The following GLOD5 variants were observed in gnomAD, a reference collection of about 807,000 sequenced individuals.
The protein encoded by GLOD5 is glyoxalase domain containing 5, also known as glyoxalase domain-containing protein 5.
GLOD5 carries 7 observed loss-of-function variants against 9.9 expected under a neutral mutation model. The observed-to-expected ratio is 0.71, with a 90% CI of 0.40 to 1.33. GLOD5 has a LOEUF of 1.33. Ranked by LOEUF, GLOD5 falls within the 40% of genes most tolerant of loss-of-function variation. The probability of loss-of-function intolerance (pLI) is 0.01; values close to 1 mark genes in which losing one functional copy is unlikely to be tolerated. For synonymous variants in GLOD5, 49 were observed against 47.3 expected (o/e 1.04, Z -0.14); for missense variants, 146 against 128.4 (o/e 1.14, Z -0.66).
intron 2 of GLOD5, 49 bp downstream of exon 2, chrX:48,766,021 A>G (rs782554299): frequency 2.7e-6 from 3 of 1,110,648 alleles, no homozygotes; most frequent in African/African-American, 3.6e-5. Context: ...AAATTTGTTG[A>G]TAACACTTTA....
At chrX:48,763,688 G>A (rs1057045364) in intron 1 of GLOD5, among the ~76,000 whole-genome samples, 4 of 111,729 alleles carry the variant, frequency 3.6e-5, no homozygotes, top group Non-Finnish European at 7.5e-5. Flanking sequence ...GCAAGACCCT[G>A]TCTCAAAAAG....
rs1443936119 is a variant in GLOD5 at position 48,773,334 on chromosome X, G to A, written c.382G>A (p.Gly128Arg). The A allele has an allele frequency of 1.7e-6, 2 of 1,210,337 alleles. No individual in the cohort carries two copies. The highest frequency in any genetic ancestry group is 2.2e-6 in the Non-Finnish European group (2 of 894,334). ...LKACDVPIEE[G>R]PVPRTGAKGP... ...GGCTTGTGATGTCCCTATTGAGGAGGGGCCAGTCCCCAGAACAGGGGCAAA... is the reference window on the plus strand; with the variant it reads ...GGCTTGTGATGTCCCTATTGAGGAGAGGCCAGTCCCCAGAACAGGGGCAAA... The change falls in exon 4 of 4, where the codon GGG becomes AGG. Residue 128 changes from glycine to arginine, a missense_variant. Transcript: ENST00000303227.
At chrX:48,772,020 T>C (rs1557017464) in intron 3 of GLOD5, among the ~76,000 whole-genome samples, 1 of 111,018 alleles carries the variant, frequency 9.0e-6, no homozygotes, top group Non-Finnish European at 1.9e-5. Context: ...CAGGATCATT[T>C]GGGCCAGGAG....
chrX:48,770,800 G>T (rs894643329), intron 2 of GLOD5, 127 bp from the exon 3 acceptor site: 1 of 478,476 alleles, frequency 2.1e-6, no homozygotes, highest in Non-Finnish European at 3.3e-6. Context: ...AAGGGCTGTT[G>T]TGTAGTAGCC....
At chrX:48,768,378 A>G (rs1557016928) in intron 2 of GLOD5, among the ~76,000 whole-genome samples, 1 of 112,263 alleles carries the variant, frequency 8.9e-6, no homozygotes, top group African/African-American at 3.2e-5. Context: ...CAAACGCACT[A>G]TAATGGTTGC....
intron 2 of GLOD5, 147 bp downstream of exon 2, chrX:48,766,119 T>C (rs185314855): frequency 6.7e-5 from 35 of 523,341 alleles, no homozygotes; most frequent in Admixed American, 2.4e-4. Flanking sequence ...AACTGAATAT[T>C]TGGACTTCCA....
At position 48,773,544 on chromosome X, in the gene GLOD5, C is replaced by A; in HGVS notation, c.*109C>A. On this transcript the variant is annotated 3_prime_UTR_variant, in exon 4 of 4. Coordinates refer to ENST00000303227, the MANE Select transcript of GLOD5 (RefSeq NM_001080489.3). Reference sequence around the variant, plus strand: ...TCTCCAAAGACTGAGGACTTAGGCACTTCACACATCCTGCTGAGGGGGGAC... The same window carrying A: ...TCTCCAAAGACTGAGGACTTAGGCAATTCACACATCCTGCTGAGGGGGGAC... 2.3e-6 allele frequency: 2 copies of A among 857,602 alleles called. No individual in the cohort carries two copies. The highest frequency in any genetic ancestry group is 4.8e-5 in the South Asian group (2 of 41,867). 70.7% of individuals were successfully genotyped at this position (857,602 alleles called of 1,213,427 possible).
rs987110477 is a variant in GLOD5 at position 48,763,824 on chromosome X, G to T, written c.63+1971G>T. Among the ~76,000 whole-genome samples, 22 of 112,345 alleles carry T rather than the reference G, an allele frequency of 2.0e-4. No homozygotes were observed. In the East Asian group the frequency reaches 5.8e-3, roughly 30 times the overall value. ...CCATGTGGATCTTTTGTATCCACCG[G>T]GAGAGCAAAACTCAGCAACTTTGCT... On this transcript the variant is annotated intron_variant, in intron 1 of 3. Transcript: ENST00000303227.
At chrX:48,773,283 G>A (rs782530291) in intron 3 of GLOD5, 27 bp from the exon 4 acceptor site, 4 of 1,205,004 alleles carry the variant, frequency 3.3e-6, no homozygotes, top group African/African-American at 1.8e-5. Context: ...TTTGACGAAC[G>A]ACTTTTGTCT....
intron 2 of GLOD5, among the ~76,000 whole-genome samples, chrX:48,768,374 C>T (rs1467273758): frequency 8.9e-6 from 1 of 111,808 alleles, no homozygotes; most frequent in African/African-American, 3.2e-5. Flanking sequence ...ACATCAAACG[C>T]ACTATAATGG....
At position 48,765,577 on chromosome X, in the gene GLOD5, C is replaced by CAAAAAAAAAAA. The variant is rs66661999; in HGVS notation, c.64-243_64-233dup. 22 of 177,506 alleles carry CAAAAAAAAAAA rather than the reference C, an allele frequency of 1.2e-4. 1 individual carries two copies. The highest frequency in any genetic ancestry group is 2.8e-4 in the Admixed American group (4 of 14,313). The allele number at this position is 177,506 out of a possible 1,213,427, so 14.6% of individuals were successfully genotyped here. Reference sequence around the variant, plus strand: ...TGGGCAACAGAGTGAGACTCTGTCTCAAAAAAAAAAAAAAAAAAAAAAAAA... The same window carrying CAAAAAAAAAAA: ...TGGGCAACAGAGTGAGACTCTGTCTCAAAAAAAAAAAAAAAAAAAAAAAAAAAAAAAAAAAA... On this transcript the variant is annotated intron_variant, in intron 1 of 3. Transcript: ENST00000303227.
At chrX:48,764,175 C>G (rs2062603267) in intron 1 of GLOD5, among the ~76,000 whole-genome samples, 4 of 111,064 alleles carry the variant, frequency 3.6e-5, no homozygotes, top group Admixed American at 2.9e-4. Flanking sequence ...ATGAAGCTTA[C>G]ATTCTAGTCA....
chrX:48,773,374 C>CCA lies in GLOD5; in HGVS notation c.423_424dup (p.Ile142ThrfsTer11), dbSNP rs1381136230. The CCA allele has an allele frequency of 1.7e-6, 2 of 1,206,931 alleles. No homozygotes were observed. Among genetic ancestry groups the CCA allele is most frequent in the African/African-American group, 3.5e-5 (2 of 56,831 alleles). ...ACAGGGGCAAAAGGGCCTATCATGT[C>CCA]CATCTACTTCCGAGACCCCGACAGA... is the stretch of plus-strand genomic sequence containing the variant. On this transcript the variant is annotated frameshift_variant, in exon 4 of 4. Coordinates refer to ENST00000303227, the MANE Select transcript of GLOD5 (RefSeq NM_001080489.3). LOFTEE classifies it high-confidence loss of function.
chrX:48,773,519 T>A lies in GLOD5; in HGVS notation c.*84T>A. On this transcript the variant is annotated 3_prime_UTR_variant, in exon 4 of 4. Transcript: ENST00000303227. ...GCAAACCCCCACCCAGGCCCAGAGA[T>A]CTCCAAAGACTGAGGACTTAGGCAC... is the stretch of plus-strand genomic sequence containing the variant. 2 of 1,058,875 alleles carry A rather than the reference T, an allele frequency of 1.9e-6. No homozygotes were observed. Among genetic ancestry groups the A allele is most frequent in the Non-Finnish European group, 2.6e-6 (2 of 775,988 alleles). The allele number at this position is 1,058,875 out of a possible 1,213,427, so 87.3% of individuals were successfully genotyped here.
intron 2 of GLOD5, among the ~76,000 whole-genome samples, chrX:48,766,493 G>A (rs2062609377): frequency 1.8e-5 from 2 of 111,589 alleles, no homozygotes; most frequent in South Asian, 7.4e-4. Flanking sequence ...GCTCATGCCT[G>A]TAATCCCAGC....
At chrX:48,765,726 G>T (rs2062607465) in intron 1 of GLOD5, 109 bp from the exon 2 acceptor site, 9 of 874,319 alleles carry the variant, frequency 1.0e-5, no homozygotes, top group Non-Finnish European at 1.5e-5. Context: ...TTGAAGGGGG[G>T]TGAGGAGGAA....
At chrX:48,761,925 CT>C in intron 1 of GLOD5, 72 bp downstream of exon 1, 1 of 810,386 alleles carries the variant, frequency 1.2e-6, no homozygotes, top group Admixed American at 2.7e-5. Flanking sequence ...ACCTGTTTCC[CT>C]TCTCTGCGGG....
Position 48,765,919 on chromosome X carries a change from G to C in GLOD5, c.148G>C (p.Asp50His), listed in dbSNP as rs782512630. ...CGTGATGACGGTGAAGAGCATCAAAGACACCACCATGTTTTATTCCAAGAT... is the reference window on the plus strand; with the variant it reads ...CGTGATGACGGTGAAGAGCATCAAACACACCACCATGTTTTATTCCAAGAT... Reference protein sequence around the residue: ...HIVMTVKSIKDTTMFYSKILG... With the variant: ...HIVMTVKSIKHTTMFYSKILG... The change falls in exon 2 of 4, where the codon GAC becomes CAC. Residue 50 changes from aspartate to histidine, a missense_variant. Physicochemically the swap from Asp to His is moderately conservative, Grantham distance 81. Transcript: ENST00000303227. 12 of 1,203,611 alleles carry C rather than the reference G, an allele frequency of 1.0e-5. No homozygotes were observed. The Admixed American group carries it at 2.4e-4, about 25-fold the overall frequency.
At chrX:48,768,234 G>A (rs1037480824) in intron 2 of GLOD5, among the ~76,000 whole-genome samples, 7 of 112,125 alleles carry the variant, frequency 6.2e-5, no homozygotes, top group Admixed American at 2.9e-4. Context: ...CAACACGGAC[G>A]GGTCTTGAAA....
Sources: gnomAD v4.1 joint callset for allele counts (sites outside exome capture counted in the v4.1 genomes callset) on GRCh38, gnomAD v4.1.1 for gene constraint, MANE v1.5 for transcripts, NCBI Gene and HGNC (gene_info 2026-07-23, HGNC 2026-07-21) for gene names.